ANKRD30A: variants seen among roughly 807,000 people sequenced by gnomAD.
ANKRD30A encodes ankyrin repeat domain 30A.
ANKRD30A carries 170 observed loss-of-function variants against 166.3 expected under a neutral mutation model. That is an observed-to-expected ratio of 1.02 (90% CI 0.90 to 1.16). ANKRD30A has a LOEUF of 1.16. Ranked by LOEUF, ANKRD30A falls within the 50% of genes most tolerant of loss-of-function variation. The pLI is 0.00. For synonymous variants in ANKRD30A, 564 were observed against 508.9 expected (o/e 1.11, Z -1.46); for missense variants, 1,630 against 1,518.0 (o/e 1.07, Z -1.23).
chr10:37,224,352 T>A (rs901849386), intron 34 of ANKRD30A, among the ~76,000 whole-genome samples: 1 of 151,124 alleles, frequency 6.6e-6, no homozygotes, highest in African/African-American at 2.4e-5. Flanking sequence ...TCTCTTTGAT[T>A]TTTTTTAGTT....
intron 12 of ANKRD30A, among the ~76,000 whole-genome samples, 177 bp downstream of exon 12, chr10:37,152,298 G>T (rs1029107527): frequency 5.9e-5 from 9 of 152,082 alleles, no homozygotes; most frequent in African/African-American, 2.2e-4. Context: ...CTGCTTCATA[G>T]TGAAATTCTG....
intron 34 of ANKRD30A, among the ~76,000 whole-genome samples, chr10:37,224,701 G>T (rs1272669028): frequency 6.6e-6 from 1 of 151,194 alleles, no homozygotes; most frequent in African/African-American, 2.4e-5. Flanking sequence ...ATCTTTCTCT[G>T]CATGGTTTTG....
In ANKRD30A at chr10:37,162,509, C is replaced by G; in HGVS notation, c.1901-140C>G. On this transcript the variant is annotated intron_variant, in intron 15 of 35. Coordinates refer to ENST00000361713, the MANE Select transcript of ANKRD30A (RefSeq NM_052997.3). ...TGTCGTGTGTGTGTCCTAAACAAACCAAAAGAAAACTTTCCAAATCTAAAG... is the reference window on the plus strand; with the variant it reads ...TGTCGTGTGTGTGTCCTAAACAAACGAAAAGAAAACTTTCCAAATCTAAAG... 2.7e-6 allele frequency: 3 copies of G among 1,129,072 alleles called. 1 individual carries two copies. The highest frequency in any genetic ancestry group is 2.6e-5 in the South Asian group (2 of 76,478). The allele number at this position is 1,129,072 out of a possible 1,614,324, so 69.9% of individuals were successfully genotyped here. A position where few individuals can be genotyped will look rare whatever the true frequency, so the allele number is the denominator to read the frequency against.
the ANKRD30A span, among the ~76,000 whole-genome samples, chr10:37,253,904 C>T: frequency 1.3e-5 from 2 of 152,146 alleles, no homozygotes; most frequent in African/African-American, 4.8e-5. Flanking sequence ...CCTGCCTTGG[C>T]CTCCCAAAGT....
the ANKRD30A span, among the ~76,000 whole-genome samples, chr10:37,247,870 A>G: frequency 6.8e-6 from 1 of 148,052 alleles, no homozygotes; most frequent in Non-Finnish European, 1.5e-5. Flanking sequence ...CGACAGAGTG[A>G]GACTCCATCT....
the ANKRD30A span, among the ~76,000 whole-genome samples, chr10:37,255,733 A>G: frequency 3.3e-5 from 5 of 152,216 alleles, no homozygotes; most frequent in Non-Finnish European, 2.9e-5. Flanking sequence ...GGTGGCCATC[A>G]TATTGGACCT....
chr10:37,160,041 T>G (rs1215935764), intron 15 of ANKRD30A, among the ~76,000 whole-genome samples: 1 of 152,208 alleles, frequency 6.6e-6, no homozygotes, highest in Admixed American at 6.5e-5. Flanking sequence ...CTGTACATAT[T>G]GTCCTGGAAC....
chr10:37,171,947 C>T (rs1435178963), intron 21 of ANKRD30A, among the ~76,000 whole-genome samples: 2 of 142,558 alleles, frequency 1.4e-5, no homozygotes, highest in Non-Finnish European at 3.1e-5. Context: ...GAGAATAAAG[C>T]ATCTGGTTGT....
intron 19 of ANKRD30A, among the ~76,000 whole-genome samples, chr10:37,166,915 T>C (rs1227935224): frequency 6.6e-6 from 1 of 152,042 alleles, no homozygotes; most frequent in Non-Finnish European, 1.5e-5. Context: ...GAATTCAAGA[T>C]ATTCCAAGAC....
In ANKRD30A at chr10:37,219,128, T is replaced by C. The variant is rs1842747190; in HGVS notation, c.3416T>C (p.Leu1139Ser). ...ENKYFEDIKILKEKNAELQMT... is the reference protein window; with the variant it reads ...ENKYFEDIKISKEKNAELQMT... ...AAATACTTTGAGGACATTAAGATTT[T>C]AAAAGAAAAGAATGCTGAACTTCAG... The change falls in exon 34 of 36, where the codon TTA (leucine) becomes TCA (serine). Residue 1139 changes from leucine (L) to serine (S), a missense_variant. This residue lies in a region of ANKRD30A where 712 missense variants were observed against 629.3 expected (regional missense o/e 1.13). Coordinates refer to ENST00000361713, the MANE Select transcript of ANKRD30A (RefSeq NM_052997.3). 2 of 1,609,800 alleles carry C rather than the reference T, an allele frequency of 1.2e-6. No homozygotes were observed. The highest frequency in any genetic ancestry group is 1.1e-5 in the South Asian group (1 of 90,900).
the ANKRD30A span, among the ~76,000 whole-genome samples, chr10:37,257,499 G>T: frequency 6.6e-6 from 1 of 151,996 alleles, no homozygotes; most frequent in Admixed American, 6.6e-5. Flanking sequence ...TTAGGGGGTC[G>T]ATTTTAGATC....
chr10:37,136,709 A>G (rs1836705740), intron 6 of ANKRD30A, 38 bp downstream of exon 6: 4 of 1,203,724 alleles, frequency 3.3e-6, no homozygotes, highest in Admixed American at 5.0e-5. Context: ...TGGTGGTGCT[A>G]TCATAAGATT....
At chr10:37,192,877 G>T (rs71489132) in intron 25 of ANKRD30A, among the ~76,000 whole-genome samples, 187 bp from the exon 26 acceptor site, 3,174 of 151,776 alleles carry the variant, frequency 0.021, 67 homozygotes, top group Non-Finnish European at 0.03. Context: ...TTTTCAAATT[G>T]TCTTAGGTAT....
At chr10:37,259,833 A>G in the ANKRD30A span, among the ~76,000 whole-genome samples, 4 of 152,180 alleles carry the variant, frequency 2.6e-5, no homozygotes, top group African/African-American at 9.7e-5. Context: ...GGACTGAGAG[A>G]GTATTGCAGA....
intron 15 of ANKRD30A, among the ~76,000 whole-genome samples, chr10:37,161,712 G>C (rs1203864150): frequency 1.3e-5 from 2 of 152,124 alleles, no homozygotes; most frequent in Admixed American, 6.5e-5. Flanking sequence ...AATCAGGGAA[G>C]ACAAATATAT....
At chr10:37,231,249 C>A (rs908035716) in intron 34 of ANKRD30A, among the ~76,000 whole-genome samples, 18 of 151,814 alleles carry the variant, frequency 1.2e-4, no homozygotes, top group African/African-American at 4.3e-4. Context: ...TGTTAGAAAT[C>A]CTCCTAAAAA....
At chr10:37,183,031 T>C (rs1401026660) in intron 24 of ANKRD30A, among the ~76,000 whole-genome samples, 1 of 150,130 alleles carries the variant, frequency 6.7e-6, no homozygotes, top group African/African-American at 2.4e-5. Context: ...GTTTGCCATG[T>C]TAACTCTAAA....
intron 27 of ANKRD30A, among the ~76,000 whole-genome samples, chr10:37,196,093 ATT>A (rs749036981): frequency 0.012 from 1,568 of 129,406 alleles, 28 homozygotes; most frequent in East Asian, 0.098. Flanking sequence ...TATATTTTCT[ATT>A]TTTTTTTTTT....
downstream of ANKRD30A, chr10:37,232,697 T>TATATATATATATATAGAG (rs1273812991): frequency 3.8e-5 from 3 of 78,406 alleles, no homozygotes; most frequent in Non-Finnish European, 7.2e-5. Flanking sequence ...TATATATAAA[T>TATATATATATATATAGAG]AGAGAGAGAG....
Sources: allele counts gnomAD v4.1 joint callset (sites outside exome capture counted in the v4.1 genomes callset), GRCh38; gene constraint gnomAD v4.1.1; regional missense constraint gnomAD v4.1.1; transcripts MANE v1.5; gene names NCBI Gene and HGNC (gene_info 2026-07-23, HGNC 2026-07-21).